Variants in CDHR1 observed in about 807,000 individuals in gnomAD.
CDHR1 encodes the protein cadherin-related family member 1.
A neutral mutation model predicts 72.1 loss-of-function variants in CDHR1; 61 were observed. The observed-to-expected ratio is 0.85, with a 90% CI of 0.69 to 1.05. CDHR1 has a LOEUF of 1.05. CDHR1 is among the 50% of genes least tolerant of loss of function. The pLI, the probability that CDHR1 is intolerant of heterozygous loss-of-function variation, is 0.00. For synonymous variants in CDHR1, 470 were observed against 448.1 expected, an observed-to-expected ratio of 1.05 and a Z score of -0.62; for missense variants, 1,186 against 1,115.7, an observed-to-expected ratio of 1.06 and a Z score of -0.90.
chr10:84,218,063 G>A lies in CDHR1; in HGVS notation c.*3442G>A, dbSNP rs1428008752. 6 of 985,486 alleles carry A rather than the reference G, an allele frequency of 6.1e-6. No homozygotes were observed. Among genetic ancestry groups the A allele is most frequent in the Non-Finnish European group, 7.2e-6 (6 of 829,942 alleles). The allele number at this position is 985,486 out of a possible 1,614,324, so 61.0% of individuals were successfully genotyped here. A position where few individuals can be genotyped will look rare whatever the true frequency, so the allele number is the denominator to read the frequency against. ...AATCCAAGGCCAGTCCACCTGCCAGGGGTGTTGGCATCTGTTGACAGGCAG... is the reference window on the plus strand; with the variant it reads ...AATCCAAGGCCAGTCCACCTGCCAGAGGTGTTGGCATCTGTTGACAGGCAG... On this transcript the variant is annotated 3_prime_UTR_variant, in exon 17 of 17. Transcript: ENST00000623527.
In CDHR1 at chr10:84,194,833, C is replaced by T; in HGVS notation, c.55+18C>T. The T allele has an allele frequency of 6.5e-7, 1 of 1,532,898 alleles. No individual in the cohort carries two copies. Among genetic ancestry groups the T allele is most frequent in the Non-Finnish European group, 8.7e-7 (1 of 1,145,624 alleles). The allele number at this position is 1,532,898 out of a possible 1,614,324, so 95.0% of individuals were successfully genotyped here. ...CTGCTTGGGTGAGTGGCCGCTGGGC[C>T]GCGCTGGCCGCGTGGATGGCGAGGG... On this transcript the variant is annotated intron_variant, in intron 1 of 16. Coordinates refer to ENST00000623527, the MANE Select transcript of CDHR1 (RefSeq NM_033100.4).
intron 6 of CDHR1, among the ~76,000 whole-genome samples, chr10:84,201,286 C>A (rs1354518351): frequency 2.0e-5 from 3 of 152,226 alleles, no homozygotes; most frequent in Non-Finnish European, 4.4e-5. Context: ...ACTACCCAGC[C>A]AGAAGGGCCC....
Position 84,205,929 on chromosome 10 carries a change from T to C in CDHR1, c.963+2T>C, listed in dbSNP as rs1842217972. On this transcript the variant is annotated splice_donor_variant, in intron 10 of 16. Transcript: ENST00000623527. LOFTEE classifies it high-confidence loss of function. ...GAGGTGTATGAGCTGCATGTACAGG[T>C]ACCCTCCCTCTAGCTTTGTCTTCCC... 1 of 1,610,572 alleles carries C rather than the reference T, an allele frequency of 6.2e-7. No individual in the cohort carries two copies.
rs1842451975 is a variant in CDHR1, at chr10:84,217,899, C to T, written c.*3278C>T. The T allele has an allele frequency of 1.0e-6, 1 of 985,374 alleles. No homozygotes were observed. 61.0% of individuals were successfully genotyped at this position (985,374 alleles called of 1,614,324 possible). A position where few individuals can be genotyped will look rare whatever the true frequency, so the allele number is the denominator to read the frequency against. ...AGGAACAATGAGAGGTCTCTAAGAA[C>T]TTGTGGCACTCTGTCCTCAAGCAGC... On this transcript the variant is annotated 3_prime_UTR_variant, in exon 17 of 17. Transcript: ENST00000623527.
rs10509491 is a variant in CDHR1, at chr10:84,217,419, G to A, written c.*2798G>A. On this transcript the variant is annotated 3_prime_UTR_variant, in exon 17 of 17. Transcript: ENST00000623527. ...GGCTGAGCTCAGATCTTCCAATCAC[G>A]TGAAATAACAAAGTCCTTTACAGTT... 0.49 allele frequency: 480,998 copies of A among 984,874 alleles called. 120,143 individuals carry two copies. The highest frequency in any genetic ancestry group is 0.78 in the African/African-American group (44,527 of 57,284). The allele number at this position is 984,874 out of a possible 1,614,324, so 61.0% of individuals were successfully genotyped here. A position where few individuals can be genotyped will look rare whatever the true frequency, so the allele number is the denominator to read the frequency against.
chr10:84,214,937 C>A lies in CDHR1; in HGVS notation c.*316C>A. 1 of 1,294,552 alleles carries A rather than the reference C, an allele frequency of 7.7e-7. No individual in the cohort carries two copies. Among genetic ancestry groups the A allele is most frequent in the Non-Finnish European group, 9.9e-7 (1 of 1,013,382 alleles). The allele number at this position is 1,294,552 out of a possible 1,614,324, so 80.2% of individuals were successfully genotyped here. On this transcript the variant is annotated 3_prime_UTR_variant, in exon 17 of 17. Transcript: ENST00000623527. ...GGGCTGAGAATTGACGAGAAGCCAGCTCACCCATCCCAGACCTCACAGTCC... is the reference window on the plus strand; with the variant it reads ...GGGCTGAGAATTGACGAGAAGCCAGATCACCCATCCCAGACCTCACAGTCC...
chr10:84,194,747 G>T lies in CDHR1; in HGVS notation c.-14G>T. The T allele has an allele frequency of 1.3e-6, 2 of 1,495,776 alleles. No homozygotes were observed. The highest frequency in any genetic ancestry group is 2.5e-5 in the South Asian group (2 of 79,230). 92.7% of individuals were successfully genotyped at this position (1,495,776 alleles called of 1,614,324 possible). On this transcript the variant is annotated 5_prime_UTR_variant, in exon 1 of 17. Transcript: ENST00000623527. The stretch of plus-strand genomic sequence containing the variant: ...TCTCGGCGGCGGCAGGCGACACTCC[G>T]CGCCGGCGGAGACATGAGGCGCTGC...
intron 1 of CDHR1, 94 bp from the exon 2 acceptor site, chr10:84,195,399 TG>T: frequency 8.6e-7 from 1 of 1,159,454 alleles, no homozygotes; most frequent in Non-Finnish European, 1.3e-6. Flanking sequence ...GCCCAGTAGC[TG>T]GGCCTGACGC....
intron 12 of CDHR1, among the ~76,000 whole-genome samples, chr10:84,209,397 C>A (rs1842288333): frequency 6.6e-6 from 1 of 152,040 alleles, no homozygotes; most frequent in South Asian, 2.1e-4. Context: ...TACACATATA[C>A]ACATACTCTC....
At chr10:84,209,310 A>T (rs1441151624) in intron 12 of CDHR1, among the ~76,000 whole-genome samples, 7 of 152,252 alleles carry the variant, frequency 4.6e-5, no homozygotes, top group Non-Finnish European at 4.4e-5. Context: ...TGCATATCAT[A>T]TATGAACATA....
chr10:84,214,078 T>C lies in CDHR1; in HGVS notation c.2041-4T>C. ...TGAGTGCAGGGAGTGGCTTTCTCTT[T>C]CAGACCCTCTCCCGGAGCCCCATGG... is the stretch of plus-strand genomic sequence containing the variant. On this transcript the variant is annotated splice_region_variant and splice_polypyrimidine_tract_variant and intron_variant, in intron 16 of 16. Coordinates refer to ENST00000623527, the MANE Select transcript of CDHR1 (RefSeq NM_033100.4). The C allele has an allele frequency of 6.2e-7, 1 of 1,614,146 alleles. No individual in the cohort carries two copies.
intron 4 of CDHR1, 148 bp downstream of exon 4, chr10:84,197,984 A>G: frequency 1.3e-6 from 1 of 752,872 alleles, no homozygotes; most frequent in East Asian, 2.7e-5. Flanking sequence ...AAGTGCCCAC[A>G]GGAGAGGGCT....
rs969001681 is a variant in CDHR1 at position 84,197,851 on chromosome 10, A to G, written c.348+15A>G. ...GCCTGAATCTGGTGAGTGCACGTCCAAGGCAGTCCCTGGCAGCCTGCAGTA... is the reference window on the plus strand; with the variant it reads ...GCCTGAATCTGGTGAGTGCACGTCCGAGGCAGTCCCTGGCAGCCTGCAGTA... On this transcript the variant is annotated intron_variant, in intron 4 of 16. Transcript: ENST00000623527. 1.1e-5 allele frequency: 17 copies of G among 1,612,318 alleles called. No homozygotes were observed. Among genetic ancestry groups the G allele is most frequent in the Admixed American group, 6.7e-5 (4 of 60,004 alleles).
intron 12 of CDHR1, among the ~76,000 whole-genome samples, chr10:84,210,139 G>C (rs565206842): frequency 7.9e-5 from 12 of 152,336 alleles, no homozygotes; most frequent in African/African-American, 2.4e-4. Flanking sequence ...AGGATGGCTT[G>C]AGCCTGGGAG....
intron 8 of CDHR1, 147 bp downstream of exon 8, chr10:84,203,270 C>T: frequency 9.6e-7 from 1 of 1,046,238 alleles, no homozygotes; most frequent in Non-Finnish European, 1.4e-6. Flanking sequence ...CACCCAGCCT[C>T]AGGCCATGAA....
chr10:84,215,439 C>A lies in CDHR1; in HGVS notation c.*818C>A, dbSNP rs1348975037. On this transcript the variant is annotated 3_prime_UTR_variant, in exon 17 of 17. Transcript: ENST00000623527. ...TCTGAGGAGCTGCCCCACCAGCCATCCTTGAAGAGACAATTCAGGGCAGTT... is the reference window on the plus strand; with the variant it reads ...TCTGAGGAGCTGCCCCACCAGCCATACTTGAAGAGACAATTCAGGGCAGTT... The A allele has an allele frequency of 3.0e-6, 3 of 985,458 alleles. No individual in the cohort carries two copies. The highest frequency in any genetic ancestry group is 3.6e-6 in the Non-Finnish European group (3 of 829,956). 61.0% of individuals were successfully genotyped at this position (985,458 alleles called of 1,614,324 possible). A position where few individuals can be genotyped will look rare whatever the true frequency, so the allele number is the denominator to read the frequency against.
intron 8 of CDHR1, 111 bp from the exon 9 acceptor site, chr10:84,204,416 G>A (rs1842186066): frequency 1.2e-6 from 1 of 813,630 alleles, no homozygotes; most frequent in African/African-American, 1.7e-5. Context: ...GTAGAGGCCT[G>A]ACCCTTTCCT....
rs1219274539 is a variant in CDHR1 at position 84,213,351 on chromosome 10, G to A, written c.2040+3G>A. 2.5e-6 allele frequency: 4 copies of A among 1,614,148 alleles called. No individual in the cohort carries two copies. The South Asian group carries it at 4.4e-5, about 18-fold the overall frequency. ...AGATTGACATCACAGATGCTGAGGT[G>A]AGTACAAAGCCATGGTCAGGAAAAA... is the stretch of plus-strand genomic sequence containing the variant. On this transcript the variant is annotated splice_donor_region_variant and intron_variant, in intron 16 of 16. Transcript: ENST00000623527.
At position 84,199,046 on chromosome 10, in the gene CDHR1, C is replaced by T. The variant is rs1311275323; in HGVS notation, c.363C>T (p.Val121=). 7.7e-6 allele frequency: 12 copies of T among 1,551,564 alleles called. No individual in the cohort carries two copies. The highest frequency in any genetic ancestry group is 7.3e-5 in the East Asian group (3 of 40,932). ...SDGLNLVAEK[V]VILVTDANDE... is the part of the protein sequence containing the mutation. ...CCCCTTCTCAGGTGGCCGAAAAAGT[C>T]GTGATCCTGGTGACCGATGCCAATG... The change falls in exon 5 of 17, where the codon GTC becomes GTT. Residue 121 remains valine (V), a synonymous_variant. Transcript: ENST00000623527.
Sources: allele counts gnomAD v4.1 joint callset (sites outside exome capture counted in the v4.1 genomes callset), GRCh38; gene constraint gnomAD v4.1.1; transcripts MANE v1.5; gene names NCBI Gene and HGNC (gene_info 2026-07-23, HGNC 2026-07-21).